MDM4: variants seen among roughly 807,000 people sequenced by gnomAD.
MDM4 encodes MDM4 regulator of p53.
In MDM4, 2 loss-of-function variants were observed where a neutral mutation model predicts 60.2. That is an observed-to-expected ratio of 0.03 (90% CI 0.01 to 0.10). MDM4 has a LOEUF of 0.10. Among genes scored for constraint, MDM4 ranks in the 10% least tolerant of loss-of-function variants. The pLI is 1.00. For synonymous variants in MDM4, 202 were observed against 198.1 expected (o/e 1.02, Z -0.17); for missense variants, 447 against 577.5 (o/e 0.77, Z 2.32).
chr1:204,529,301 A>G (rs1660600903), intron 3 of MDM4: 4 of 759,662 alleles, frequency 5.3e-6, no homozygotes, highest in Non-Finnish European at 9.6e-6. Context: ...ATGGAGATAA[A>G]GCCACTGTGA....
chr1:204,520,574 T>TG (rs1659474641), intron 1 of MDM4, among the ~76,000 whole-genome samples: 1 of 152,104 alleles, frequency 6.6e-6, no homozygotes, highest in Admixed American at 6.6e-5. Flanking sequence ...TCTTAGTTTG[T>TG]GGAAGATTAT....
intron 3 of MDM4, among the ~76,000 whole-genome samples, chr1:204,528,074 A>ATTTTTTTTTTTTTTTTTTTT (rs11440400): frequency 7.1e-6 from 1 of 140,342 alleles, no homozygotes; most frequent in South Asian, 2.2e-4. Context: ...AAAGTCTGGA[A>ATTTTTTTTTTTTTTTTTTTT]TTTTTTTTTT....
At chr1:204,525,402 TCTG>T in intron 1 of MDM4, 79 bp from the exon 2 acceptor site, 1 of 1,460,140 alleles carries the variant, frequency 6.8e-7, no homozygotes, top group Non-Finnish European at 9.0e-7. Flanking sequence ...GTCTTTTACT[TCTG>T]CTGGTTGCCT....
intron 1 of MDM4, among the ~76,000 whole-genome samples, chr1:204,520,365 A>G (rs1405586155): frequency 8.5e-6 from 1 of 117,760 alleles, no homozygotes; most frequent in Non-Finnish European, 1.9e-5. Context: ...TACATGCAAC[A>G]TCCCTGCTTT....
At chr1:204,537,884 G>T in intron 6 of MDM4, 1 of 673,454 alleles carries the variant, frequency 1.5e-6, no homozygotes, top group Non-Finnish European at 2.8e-6. Context: ...ATCTTGGTAC[G>T]TGGCGAGGGT....
intron 7 of MDM4, among the ~76,000 whole-genome samples, chr1:204,541,329 T>A (rs1333289896): frequency 6.6e-6 from 1 of 152,126 alleles, no homozygotes; most frequent in Non-Finnish European, 1.5e-5. Context: ...TAGCTGGGCA[T>A]GATGGTGCGC....
intron 8 of MDM4, among the ~76,000 whole-genome samples, chr1:204,543,729 T>C (rs1662366352): frequency 6.6e-6 from 1 of 152,212 alleles, no homozygotes; most frequent in Non-Finnish European, 1.5e-5. Context: ...CCATCCCTAG[T>C]TAAAATAGCC....
At chr1:204,529,594 C>G (rs866800778) in intron 3 of MDM4, 23 of 1,342,562 alleles carry the variant, frequency 1.7e-5, no homozygotes, top group Non-Finnish European at 2.1e-5. Context: ...CCATACTGCC[C>G]TCCACTACTG....
At chr1:204,525,869 G>C (rs1043470010) in intron 2 of MDM4, among the ~76,000 whole-genome samples, 10 of 152,110 alleles carry the variant, frequency 6.6e-5, no homozygotes, top group African/African-American at 2.4e-4. Flanking sequence ...GAGCCCAGGA[G>C]TTCAAAGCTG....
At chr1:204,529,467 G>T (rs1329934963) in intron 3 of MDM4, 7 of 1,526,994 alleles carry the variant, frequency 4.6e-6, no homozygotes, top group Non-Finnish European at 6.3e-6. Context: ...TCCTCCTGGA[G>T]TTCCAGAGGG....
At chr1:204,548,627 G>A (rs1001916379) in intron 10 of MDM4, among the ~76,000 whole-genome samples, 2 of 152,150 alleles carry the variant, frequency 1.3e-5, no homozygotes, top group Non-Finnish European at 2.9e-5. Context: ...AATTCTGGGT[G>A]CAATGAGAGT....
rs1163177120 is a variant in MDM4 at position 204,555,105 on chromosome 1, T to G, written c.*5423T>G. ...CTGCAGGTTGTTTTCCTTCTTACGA[T>G]CCTCATTGAATCCCCTCTGGGAGCA... On this transcript the variant is annotated 3_prime_UTR_variant, in exon 11 of 11. Transcript: ENST00000367182. 4.9e-6 allele frequency: 1 copy of G among 203,468 alleles called. No individual in the cohort carries two copies. The highest frequency in any genetic ancestry group is 2.3e-5 in the African/African-American group (1 of 43,536). The allele number at this position is 203,468 out of a possible 1,614,324, so 12.6% of individuals were successfully genotyped here.
chr1:204,532,794 T>A (rs1661001838), intron 5 of MDM4: 1 of 1,611,906 alleles, frequency 6.2e-7, no homozygotes, highest in Non-Finnish European at 8.5e-7. Context: ...TCTGTAGAAT[T>A]TCCCACGCTC....
At chr1:204,523,473 A>ATTT (rs60954516) in intron 1 of MDM4, among the ~76,000 whole-genome samples, 22,557 of 59,322 alleles carry the variant, frequency 0.38, 6,364 homozygotes, top group Non-Finnish European at 0.47. Context: ...CCTAAAAAAA[A>ATTT]TTTTTTTTTT....
At chr1:204,527,991 C>A (rs576035196) in intron 3 of MDM4, among the ~76,000 whole-genome samples, 120 of 150,680 alleles carry the variant, frequency 8.0e-4, no homozygotes, top group Admixed American at 1.2e-3. Context: ...ATTACTTTTA[C>A]GATTTTAAAT....
chr1:204,517,309 G>T (rs926726780), intron 1 of MDM4, among the ~76,000 whole-genome samples: 58 of 152,084 alleles, frequency 3.8e-4, no homozygotes, highest in Middle Eastern at 3.4e-3. Context: ...ATCGAGATGG[G>T]GCTCAGAGAA....
At position 204,526,401 on chromosome 1, in the gene MDM4, A is replaced by G. The variant is rs145504896; in HGVS notation, c.120A>G (p.Ala40=). The G allele has an allele frequency of 2.4e-5, 39 of 1,613,760 alleles. No individual in the cohort carries two copies. The highest frequency in any genetic ancestry group is 6.7e-5 in the African/African-American group (5 of 74,916). ...CGCTTTTGAAGATTTTGCATGCAGC[A>G]GGTGCGCAAGGTGAAATGTTCACTG... ...KLPLLKILHA[A]GAQGEMFTVK... The change falls in exon 3 of 11, where the codon GCA becomes GCG. Residue 40 remains alanine, a synonymous_variant. Coordinates refer to ENST00000367182, the MANE Select transcript of MDM4 (RefSeq NM_002393.5).
At chr1:204,537,559 G>A in intron 6 of MDM4, 62 bp downstream of exon 6, 1 of 1,177,944 alleles carries the variant, frequency 8.5e-7, no homozygotes, top group Admixed American at 1.8e-5. Context: ...TGTACCTATG[G>A]ATCTTGGACT....
At chr1:204,530,375 T>C (rs1283872631) in intron 3 of MDM4, among the ~76,000 whole-genome samples, 1 of 152,166 alleles carries the variant, frequency 6.6e-6, no homozygotes, top group Non-Finnish European at 1.5e-5. Context: ...AGAATAGACT[T>C]CTTTATTTGG....
Sources: gnomAD v4.1 joint callset for allele counts (sites outside exome capture counted in the v4.1 genomes callset) on GRCh38, gnomAD v4.1.1 for gene constraint, MANE v1.5 for transcripts, NCBI Gene and HGNC (gene_info 2026-07-23, HGNC 2026-07-21) for gene names.